The following GYG1 variants were observed in gnomAD, a reference collection of about 807,000 sequenced individuals.
GYG1 encodes the protein glycogenin 1.
In GYG1, 44 loss-of-function variants were observed where a neutral mutation model predicts 41.9. The observed-to-expected ratio is 1.05, with a 90% CI of 0.83 to 1.35. GYG1 has a LOEUF of 1.35. Among genes scored for constraint, GYG1 ranks in the 40% most tolerant of loss-of-function variants. GYG1 has a pLI of 0.00. For missense variants in GYG1, 429 were observed against 418.9 expected (o/e 1.02, Z -0.21); for synonymous variants, 141 against 158.1 (o/e 0.89, Z 0.81).
chr3:149,004,480 CATAG>C (rs1173302146), intron 4 of GYG1, among the ~76,000 whole-genome samples: 1 of 152,138 alleles, frequency 6.6e-6, no homozygotes, highest in African/African-American at 2.4e-5. Flanking sequence ...TAACACCATA[CATAG>C]ATTTTTCTGA....
chr3:149,013,033 T>TGTGTGTGTG, intron 5 of GYG1, among the ~76,000 whole-genome samples: 1 of 77,944 alleles, frequency 1.3e-5, no homozygotes, highest in African/African-American at 8.0e-5. Flanking sequence ...GTGTGTGTGT[T>TGTGTGTGTG]TTATAGAGAC....
At position 149,030,503 on chromosome 3, in the gene GYG1, T is replaced by C. The variant is rs1304857340; in HGVS notation, c.*3570T>C. 1 of 152,178 alleles carries C rather than the reference T, an allele frequency of 6.6e-6. No individual in the cohort carries two copies. Among genetic ancestry groups the C allele is most frequent in the Non-Finnish European group, 1.5e-5 (1 of 68,024 alleles). The allele number at this position is 152,178 out of a possible 1,614,324, so 9.4% of individuals were successfully genotyped here. A position where few individuals can be genotyped will look rare whatever the true frequency, so the allele number is the denominator to read the frequency against. Reference sequence around the variant, plus strand: ...CCTCCCTTTACCTTCATAGTGAGTTTGTAAGGCTTTGTCTTTGTAAGCAGA... The same window carrying C: ...CCTCCCTTTACCTTCATAGTGAGTTCGTAAGGCTTTGTCTTTGTAAGCAGA... On this transcript the variant is annotated 3_prime_UTR_variant, in exon 8 of 8. Coordinates refer to ENST00000345003, the MANE Select transcript of GYG1 (RefSeq NM_004130.4).
At chr3:148,997,641 AACAC>A (rs752468351) in intron 4 of GYG1, among the ~76,000 whole-genome samples, 1 of 152,266 alleles carries the variant, frequency 6.6e-6, no homozygotes, top group Non-Finnish European at 1.5e-5. Context: ...TAAAAACAAA[AACAC>A]ACAGGACAAA....
At chr3:149,019,509 C>G (rs1240847319) in intron 5 of GYG1, among the ~76,000 whole-genome samples, 1 of 152,188 alleles carries the variant, frequency 6.6e-6, no homozygotes, top group Non-Finnish European at 1.5e-5. Context: ...TTTAGGACCC[C>G]TTAAGATCCC....
At chr3:149,018,322 AGCCCTTCAG>A (rs1714185051) in intron 5 of GYG1, among the ~76,000 whole-genome samples, 2 of 152,200 alleles carry the variant, frequency 1.3e-5, no homozygotes, top group Admixed American at 6.5e-5. Flanking sequence ...TTATAGAGCA[AGCCCTTCAG>A]GTTCCTTTGC....
chr3:149,012,997 TTGTGTGTGTGTGTGTGTG>T (rs10575910), intron 5 of GYG1, among the ~76,000 whole-genome samples: 1 of 141,368 alleles, frequency 7.1e-6, no homozygotes, highest in African/African-American at 2.8e-5. Flanking sequence ...CTCAGTTAAT[TTGTGTGTGTGTGTGTGTG>T]TGTGTGTGTG....
In GYG1 at chr3:149,019,418, C is replaced by T. The variant is rs146920685; in HGVS notation, c.609-4635C>T. ...CCTCCACAGTCCTGCTCACCTCTCC[C>T]ATCTCTCCCCACTCACCCCCTGTCT... On this transcript the variant is annotated intron_variant, in intron 5 of 7. Coordinates refer to ENST00000345003, the MANE Select transcript of GYG1 (RefSeq NM_004130.4). Among the ~76,000 whole-genome samples the T allele has an allele frequency of 2.0e-5, 3 of 152,310 alleles. No homozygotes were observed. The East Asian group carries it at 5.8e-4, about 29-fold the overall frequency.
intron 5 of GYG1, among the ~76,000 whole-genome samples, chr3:149,011,439 T>C (rs1269731828): frequency 6.6e-6 from 1 of 152,172 alleles, no homozygotes; most frequent in East Asian, 1.9e-4. Context: ...GACTTTTGAA[T>C]AGTATGACCA....
rs1332456413 is a variant in GYG1 at position 149,024,261 on chromosome 3, T to A, written c.817T>A (p.Tyr273Asn). Residue 273 changes from tyrosine to asparagine, a missense_variant, in exon 6 of 8, where the codon TAT (tyrosine) becomes AAT (asparagine). By Grantham distance (143) the Tyr-to-Asn change is moderately radical. Transcript: ENST00000345003. The stretch of plus-strand genomic sequence containing the variant: ...TGGCCTTGTCAAAGACACCTGCTCA[T>A]ATGTAAATGTGGTAGGTTCTGTTTC... The part of the protein sequence containing the change: ...QFGLVKDTCS[Y>N]VNVLSDLVYT... 6.3e-7 allele frequency: 1 copy of A among 1,589,796 alleles called. No homozygotes were observed. The highest frequency in any genetic ancestry group is 2.2e-5 in the East Asian group (1 of 44,796).
intron 5 of GYG1, among the ~76,000 whole-genome samples, chr3:149,022,498 CTTTTT>C (rs71617495): frequency 2.9e-5 from 2 of 69,588 alleles, no homozygotes. Context: ...CTTGTTTTGC[CTTTTT>C]TTTTTTTTTT....
chr3:149,020,268 A>C (rs900728373), intron 5 of GYG1, among the ~76,000 whole-genome samples: 1 of 152,194 alleles, frequency 6.6e-6, no homozygotes, highest in African/African-American at 2.4e-5. Flanking sequence ...TACTTGGGGG[A>C]TTGCCAGGAT....
rs146750582 is a variant in GYG1 at position 148,993,774 on chromosome 3, G to A, written c.8-368G>A. Among the ~76,000 whole-genome samples the A allele has an allele frequency of 3.3e-3, 508 of 152,308 alleles. 2 individuals are homozygous for A. The highest frequency in any genetic ancestry group is 0.012 in the African/African-American group (491 of 41,566). On this transcript the variant is annotated intron_variant, in intron 1 of 7. Coordinates refer to ENST00000345003, the MANE Select transcript of GYG1 (RefSeq NM_004130.4). Reference sequence around the variant, plus strand: ...GGTTTTGTGCTTGTCTGAAAACACTGTCTACAGTACCTTGTAGAAGAAACA... The same window carrying A: ...GGTTTTGTGCTTGTCTGAAAACACTATCTACAGTACCTTGTAGAAGAAACA...
At chr3:149,022,053 T>C (rs565427908) in intron 5 of GYG1, among the ~76,000 whole-genome samples, 4 of 152,336 alleles carry the variant, frequency 2.6e-5, no homozygotes, top group African/African-American at 7.2e-5. Flanking sequence ...CCAGATCACA[T>C]CTGCTGTATA....
intron 6 of GYG1, among the ~76,000 whole-genome samples, chr3:149,024,567 T>C (rs1714551005): frequency 6.6e-6 from 1 of 152,234 alleles, no homozygotes; most frequent in Non-Finnish European, 1.5e-5. Flanking sequence ...ATTTTGAGAT[T>C]ATTCCTAAAG....
At chr3:149,017,377 A>T (rs575177257) in intron 5 of GYG1, among the ~76,000 whole-genome samples, 8 of 151,738 alleles carry the variant, frequency 5.3e-5, no homozygotes, top group Non-Finnish European at 1.0e-4. Flanking sequence ...TAATGTAGAG[A>T]CAATTGTGAC....
chr3:149,011,896 T>A (rs1191790562), intron 5 of GYG1, among the ~76,000 whole-genome samples: 1 of 152,202 alleles, frequency 6.6e-6, no homozygotes, highest in Non-Finnish European at 1.5e-5. Context: ...CGGCTGGAGA[T>A]GCTGCTGCTT....
intron 2 of GYG1, among the ~76,000 whole-genome samples, chr3:148,994,634 C>T (rs1337501251): frequency 6.6e-6 from 1 of 152,176 alleles, no homozygotes; most frequent in Non-Finnish European, 1.5e-5. Flanking sequence ...CATGGACATT[C>T]CTTTCCCAGG....
At chr3:149,012,319 G>T (rs1325386183) in intron 5 of GYG1, among the ~76,000 whole-genome samples, 1 of 152,156 alleles carries the variant, frequency 6.6e-6, no homozygotes, top group East Asian at 1.9e-4. Flanking sequence ...CCTATAGTAT[G>T]CTGGCCTTCC....
intron 5 of GYG1, 36 bp from the exon 6 acceptor site, chr3:149,024,017 A>G: frequency 6.9e-7 from 1 of 1,442,446 alleles, no homozygotes; most frequent in Non-Finnish European, 9.8e-7. Flanking sequence ...AGTACTCAGA[A>G]TCCACTAACT....
Sources: gnomAD v4.1 joint callset for allele counts (sites outside exome capture counted in the v4.1 genomes callset) on GRCh38, gnomAD v4.1.1 for gene constraint, MANE v1.5 for transcripts, NCBI Gene and HGNC (gene_info 2026-07-23, HGNC 2026-07-21) for gene names.